The following SESTD1 variants were observed in gnomAD, a reference collection of about 807,000 sequenced individuals.
SESTD1 encodes SEC14 domain and spectrin repeat-containing protein 1.
A neutral mutation model predicts 101.7 loss-of-function variants in SESTD1; 43 were observed. The ratio of observed to expected loss-of-function variants is 0.42; its 90% CI spans 0.33 to 0.55. SESTD1 has a LOEUF of 0.55. Ranked by LOEUF, SESTD1 falls within the 20% of genes least tolerant of loss-of-function variation. SESTD1 has a pLI of 0.07. For missense variants in SESTD1, 647 were observed against 815.1 expected (o/e 0.79, Z 2.51); for synonymous variants, 283 against 286.8 (o/e 0.99, Z 0.13).
chr2:179,243,894 T>C (rs953060212), intron 1 of SESTD1, among the ~76,000 whole-genome samples: 1 of 151,298 alleles, frequency 6.6e-6, no homozygotes, highest in African/African-American at 2.4e-5. Context: ...ATGTACCCCA[T>C]GAATCTAAAA....
chr2:179,208,579 A>G (rs1055541330), intron 1 of SESTD1, among the ~76,000 whole-genome samples: 1 of 135,156 alleles, frequency 7.4e-6, no homozygotes, highest in Non-Finnish European at 1.6e-5. Context: ...TAGCCTCCTT[A>G]ATCAAAATAA....
intron 10 of SESTD1, among the ~76,000 whole-genome samples, chr2:179,124,779 T>C (rs1291843927): frequency 6.6e-6 from 1 of 152,166 alleles, no homozygotes; most frequent in Non-Finnish European, 1.5e-5. Flanking sequence ...GTGAAACCTG[T>C]CCGCCCTCAG....
intron 5 of SESTD1, among the ~76,000 whole-genome samples, chr2:179,161,289 C>T (rs1298389577): frequency 6.6e-6 from 1 of 151,980 alleles, no homozygotes; most frequent in African/African-American, 2.4e-5. Flanking sequence ...TAACAAATGA[C>T]ATTAAGGCTC....
At chr2:179,217,570 G>A (rs923203928) in intron 1 of SESTD1, among the ~76,000 whole-genome samples, 4 of 152,208 alleles carry the variant, frequency 2.6e-5, no homozygotes, top group African/African-American at 9.7e-5. Flanking sequence ...ACAGTGTGGT[G>A]ATTCCTCAAG....
intron 4 of SESTD1, chr2:179,174,379 G>T (rs1286705307): frequency 2.2e-6 from 1 of 450,546 alleles, no homozygotes; most frequent in Non-Finnish European, 4.5e-6. Context: ...CGCAAGAGGG[G>T]ATTAAATCAT....
rs1333811467 is a variant in SESTD1 at position 179,205,617 on chromosome 2, T to C, written c.-25-13751A>G. Among the ~76,000 whole-genome samples the C allele has an allele frequency of 1.5e-5, 2 of 135,162 alleles. 1 individual carries two copies. The highest frequency in any genetic ancestry group is 5.8e-5 in the African/African-American group (2 of 34,286). 88.7% of individuals were successfully genotyped at this position (135,162 alleles called of 152,430 possible). A position where few individuals can be genotyped will look rare whatever the true frequency, so the allele number is the denominator to read the frequency against. Reference sequence around the variant, plus strand: ...CAACCTTTCCTTTACACAACCACTTTAGCATGGTAAAATGCTGGGTTTTAA... The same window carrying C: ...CAACCTTTCCTTTACACAACCACTTCAGCATGGTAAAATGCTGGGTTTTAA... On this transcript the variant is annotated intron_variant, in intron 1 of 17. Coordinates refer to ENST00000428443, the MANE Select transcript of SESTD1 (RefSeq NM_178123.5).
chr2:179,193,253 T>TA (rs1439214767), intron 1 of SESTD1, among the ~76,000 whole-genome samples: 1 of 152,204 alleles, frequency 6.6e-6, no homozygotes, highest in African/African-American at 2.4e-5. Flanking sequence ...GTTTACAACT[T>TA]AAAAAACACA....
intron 3 of SESTD1, 85 bp downstream of exon 3, chr2:179,182,995 C>G (rs2046142694): frequency 3.4e-6 from 3 of 883,032 alleles, no homozygotes; most frequent in Non-Finnish European, 5.1e-6. Flanking sequence ...GATAAGATAG[C>G]AAAGTATAAT....
Position 179,201,440 on chromosome 2 carries a change from T to G in SESTD1, c.-25-9574A>C, listed in dbSNP as rs1246734435. 1.5e-5 allele frequency among the ~76,000 whole-genome samples: 2 copies of G among 131,060 alleles called. 1 individual carries two copies. The highest frequency in any genetic ancestry group is 3.2e-5 in the Non-Finnish European group (2 of 62,074). 86.0% of individuals were successfully genotyped at this position (131,060 alleles called of 152,430 possible). ...ATTACTGGGTATATACCCAAAGGAC[T>G]ATAAATCATGCTGCTATAAAGACAC... is the stretch of plus-strand genomic sequence containing the variant. On this transcript the variant is annotated intron_variant, in intron 1 of 17. Coordinates refer to ENST00000428443, the MANE Select transcript of SESTD1 (RefSeq NM_178123.5).
At chr2:179,196,424 GC>G (rs2046394810) in intron 1 of SESTD1, among the ~76,000 whole-genome samples, 1 of 152,246 alleles carries the variant, frequency 6.6e-6, no homozygotes, top group Admixed American at 6.5e-5. Context: ...AAACAAAGCA[GC>G]CAGGAAGCTC....
At chr2:179,122,941 C>T (rs1288081961) in intron 12 of SESTD1, among the ~76,000 whole-genome samples, 1 of 152,160 alleles carries the variant, frequency 6.6e-6, no homozygotes, top group Non-Finnish European at 1.5e-5. Flanking sequence ...AATGTCAGTA[C>T]AAGTGTGATT....
intron 2 of SESTD1, among the ~76,000 whole-genome samples, chr2:179,186,301 C>T (rs2046231746): frequency 6.6e-6 from 1 of 151,990 alleles, no homozygotes; most frequent in Non-Finnish European, 1.5e-5. Flanking sequence ...GATCACTACA[C>T]CCAATGTACC....
At chr2:179,187,164 T>C (rs538344346) in intron 2 of SESTD1, among the ~76,000 whole-genome samples, 2 of 152,110 alleles carry the variant, frequency 1.3e-5, no homozygotes, top group African/African-American at 4.8e-5. Context: ...AAAAACACAT[T>C]TAATTACATA....
At chr2:179,118,265 A>T (rs1239497068) in intron 13 of SESTD1, among the ~76,000 whole-genome samples, 1 of 152,208 alleles carries the variant, frequency 6.6e-6, no homozygotes, top group Admixed American at 6.5e-5. Flanking sequence ...AAAACAAAAA[A>T]ACTCTACTGA....
At chr2:179,248,124 T>C (rs1051090517) in intron 1 of SESTD1, among the ~76,000 whole-genome samples, 2 of 151,960 alleles carry the variant, frequency 1.3e-5, no homozygotes, top group African/African-American at 4.8e-5. Flanking sequence ...AGAGATCTCA[T>C]GGCAGACTCT....
At chr2:179,122,043 C>T (rs2044765149) in intron 12 of SESTD1, 114 bp from the exon 13 acceptor site, 4 of 924,086 alleles carry the variant, frequency 4.3e-6, no homozygotes, top group Non-Finnish European at 4.5e-6. Context: ...GAGCTTTGTA[C>T]AGTAAACCAC....
chr2:179,210,589 A>G (rs1018627596), intron 1 of SESTD1, among the ~76,000 whole-genome samples: 1 of 135,208 alleles, frequency 7.4e-6, no homozygotes, highest in Non-Finnish European at 1.6e-5. Flanking sequence ...AAATCATATA[A>G]TCATCTCAAT....
In SESTD1 at chr2:179,185,589, T is replaced by C. The variant is rs1309680097; in HGVS notation, c.56-2401A>G. Among the ~76,000 whole-genome samples the C allele has an allele frequency of 5.4e-5, 7 of 130,332 alleles. No homozygotes were observed. The South Asian group carries it at 1.1e-3, about 21-fold the overall frequency. 85.5% of individuals were successfully genotyped at this position (130,332 alleles called of 152,430 possible). A position where few individuals can be genotyped will look rare whatever the true frequency, so the allele number is the denominator to read the frequency against. On this transcript the variant is annotated intron_variant, in intron 2 of 17. Coordinates refer to ENST00000428443, the MANE Select transcript of SESTD1 (RefSeq NM_178123.5). ...TGTATATAATATACTATATTATATA[T>C]TGTATATTATATACATATATAACAC...
chr2:179,140,444 G>A (rs762818684), intron 9 of SESTD1, among the ~76,000 whole-genome samples: 1 of 152,118 alleles, frequency 6.6e-6, no homozygotes, highest in African/African-American at 2.4e-5. Context: ...GATGGCCATC[G>A]TCAAGTCAAG....
Sources: allele counts gnomAD v4.1 joint callset (sites outside exome capture counted in the v4.1 genomes callset), GRCh38; gene constraint gnomAD v4.1.1; transcripts MANE v1.5; gene names NCBI Gene and HGNC (gene_info 2026-07-23, HGNC 2026-07-21).